TRIM67: variants seen among roughly 807,000 people sequenced by gnomAD.
The protein encoded by TRIM67 is tripartite motif-containing protein 67.
TRIM67 carries 39 observed loss-of-function variants against 71.0 expected under a neutral mutation model. That is an observed-to-expected ratio of 0.55 (90% confidence interval 0.43 to 0.72). The LOEUF (loss-of-function observed/expected upper bound fraction) is 0.72, where lower values mean the gene tolerates loss of function less well. TRIM67 is among the 30% of genes least tolerant of loss of function. The probability of loss-of-function intolerance (pLI) is 0.00; values close to 1 mark genes in which losing one functional copy is unlikely to be tolerated. For synonymous variants in TRIM67, 481 were observed against 473.9 expected (o/e 1.01, Z -0.19); for missense variants, 973 against 1,079.2 (o/e 0.90, Z 1.38).
intron 1 of TRIM67, among the ~76,000 whole-genome samples, chr1:231,176,024 G>A (rs1432337726): frequency 1.3e-5 from 2 of 152,170 alleles, no homozygotes; most frequent in Non-Finnish European, 2.9e-5. Flanking sequence ...TGGAATGTGG[G>A]ACCCAGCTAA....
chr1:231,201,400 C>A lies in TRIM67; in HGVS notation c.1417C>A (p.Gln473Lys), dbSNP rs1250690066. ...LIKRVQVSQE[Q>K]WVKGALEPKV... ...CAAGCGCGTCCAGGTGTCTCAGGAG[C>A]AGTGGGTCAAAGGCGCCCTGGAGCC... Residue 473 changes from glutamine (Q) to lysine (K), a missense_variant, in exon 5 of 10, where the codon CAG (glutamine) becomes AAG (lysine). Around this residue, in one of 2 missense-constraint regions of TRIM67, gnomAD observed 795 missense variants for 831.3 expected, o/e 0.96. Transcript: ENST00000366653. 1.2e-6 allele frequency: 2 copies of A among 1,613,536 alleles called. No individual in the cohort carries two copies. The highest frequency in any genetic ancestry group is 2.2e-5 in the South Asian group (2 of 90,928).
chr1:231,185,595 C>T (rs138881460), intron 1 of TRIM67, among the ~76,000 whole-genome samples: 5 of 151,978 alleles, frequency 3.3e-5, no homozygotes, highest in African/African-American at 4.8e-5. Flanking sequence ...GGAGCCCAGA[C>T]GCGTCCTGCC....
intron 1 of TRIM67, among the ~76,000 whole-genome samples, chr1:231,174,231 T>C (rs1338073246): frequency 6.6e-6 from 1 of 151,460 alleles, no homozygotes; most frequent in Non-Finnish European, 1.5e-5. Flanking sequence ...CAATCATAGT[T>C]CACTGCAACC....
intron 5 of TRIM67, 150 bp from the exon 6 acceptor site, chr1:231,203,717 G>T (rs1296550549): frequency 8.1e-6 from 8 of 987,972 alleles, no homozygotes; most frequent in Non-Finnish European, 1.2e-5. Flanking sequence ...TGACTCCTGG[G>T]CGTCTGGGAG....
rs1180829606 is a variant in TRIM67 at position 231,213,664 on chromosome 1, GA to G, written c.2124-150del. The G allele has an allele frequency of 5.6e-6, 5 of 896,978 alleles. No homozygotes were observed. The East Asian group carries it at 1.4e-4, about 25-fold the overall frequency. The allele number at this position is 896,978 out of a possible 1,614,324, so 55.6% of individuals were successfully genotyped here. On this transcript the variant is annotated intron_variant, in intron 8 of 9. Coordinates refer to ENST00000366653, the MANE Select transcript of TRIM67 (RefSeq NM_001004342.5). ...GAGGATCTCCTGAGCCTGGGAGGGC[GA>G]GGCTGTTGTGCACCGAGATGGCGTC...
intron 1 of TRIM67, among the ~76,000 whole-genome samples, chr1:231,181,125 C>T (rs1346002686): frequency 6.6e-6 from 1 of 152,176 alleles, no homozygotes; most frequent in Non-Finnish European, 1.5e-5. Context: ...ACCGCCATGT[C>T]CAGCTAATTT....
rs937714488 is a variant in TRIM67 at position 231,221,034 on chromosome 1, G to A, written c.*5594G>A. The A allele has an allele frequency of 2.6e-5, 4 of 152,384 alleles. No homozygotes were observed. The East Asian group carries it at 5.8e-4, about 22-fold the overall frequency. The allele number at this position is 152,384 out of a possible 1,614,324, so 9.4% of individuals were successfully genotyped here. On this transcript the variant is annotated 3_prime_UTR_variant, in exon 10 of 10. Coordinates refer to ENST00000366653, the MANE Select transcript of TRIM67 (RefSeq NM_001004342.5). ...TGGAAACCAGACACCCAGAGCCCCAGGCTTTCTCGGCACCCAGAAGAAGTG... is the reference window on the plus strand; with the variant it reads ...TGGAAACCAGACACCCAGAGCCCCAAGCTTTCTCGGCACCCAGAAGAAGTG...
chr1:231,199,265 TAA>T, intron 3 of TRIM67, 96 bp downstream of exon 3: 1 of 1,193,930 alleles, frequency 8.4e-7, no homozygotes, highest in Non-Finnish European at 1.2e-6. Context: ...AAATAACAGC[TAA>T]GTGAGTGAAT....
intron 5 of TRIM67, among the ~76,000 whole-genome samples, chr1:231,201,841 G>A (rs150404265): frequency 8.5e-5 from 13 of 152,384 alleles, no homozygotes; most frequent in African/African-American, 3.1e-4. Context: ...ACATGCTCAA[G>A]ATGCGGTTGA....
Position 231,176,906 on chromosome 1 carries a change from CAAAAAA to C in TRIM67, c.1044+12905_1044+12910del, listed in dbSNP as rs56115614. ...TACCCTGTTTGCCAATACAATCTGG[CAAAAAA>C]AAAAAAAAAAACACCTTTCAAACAT... On this transcript the variant is annotated intron_variant, in intron 1 of 9. Transcript: ENST00000366653. 2.0e-4 allele frequency among the ~76,000 whole-genome samples: 15 copies of C among 74,406 alleles called. 1 individual carries two copies. In the South Asian group the frequency reaches 2.7e-3, roughly 14 times the overall value. The allele number at this position is 74,406 out of a possible 152,430, so 48.8% of individuals were successfully genotyped here.
At chr1:231,164,897 G>A (rs1326158425) in intron 1 of TRIM67, among the ~76,000 whole-genome samples, 1 of 152,108 alleles carries the variant, frequency 6.6e-6, no homozygotes. Flanking sequence ...CTGCTATAAT[G>A]AGCATACGTT....
Position 231,184,086 on chromosome 1 carries a change from AC to A in TRIM67, c.1045-13284del, listed in dbSNP as rs1392878169. The A allele has an allele frequency of 2.0e-5, 3 of 152,216 alleles. No homozygotes were observed. The East Asian group carries it at 5.8e-4, about 29-fold the overall frequency. 9.4% of individuals were successfully genotyped at this position (152,216 alleles called of 1,614,324 possible). ...CCTCGAATAGGGTGTTAACGAATCC[AC>A]TGAAAAGGAATGTTTTTAAAAAGAG... On this transcript the variant is annotated intron_variant, in intron 1 of 9. Transcript: ENST00000366653.
chr1:231,189,772 C>G (rs1013213727), intron 1 of TRIM67, among the ~76,000 whole-genome samples: 2 of 152,064 alleles, frequency 1.3e-5, no homozygotes, highest in African/African-American at 4.8e-5. Context: ...CTCCCAAAGT[C>G]CCCACTGCTG....
intron 1 of TRIM67, chr1:231,184,757 C>G: frequency 1.9e-6 from 1 of 516,526 alleles, no homozygotes; most frequent in Admixed American, 3.4e-5. Flanking sequence ...CTACCGAGAA[C>G]CACCATGAGT....
intron 1 of TRIM67, among the ~76,000 whole-genome samples, chr1:231,169,443 C>T (rs1682566029): frequency 6.9e-6 from 1 of 145,604 alleles, no homozygotes; most frequent in South Asian, 2.2e-4. Flanking sequence ...AGTGGTGCAC[C>T]ATGTCAGTTC....
At chr1:231,165,336 C>T (rs1682425012) in intron 1 of TRIM67, among the ~76,000 whole-genome samples, 1 of 152,182 alleles carries the variant, frequency 6.6e-6, no homozygotes, top group Admixed American at 6.5e-5. Flanking sequence ...TGAGTCTAGG[C>T]ACAATTTAAA....
Position 231,217,768 on chromosome 1 carries a change from A to G in TRIM67, c.*2328A>G, listed in dbSNP as rs1684052808. The G allele has an allele frequency of 1.6e-6, 2 of 1,281,040 alleles. No homozygotes were observed. The highest frequency in any genetic ancestry group is 3.0e-5 in the African/African-American group (2 of 65,668). 79.4% of individuals were successfully genotyped at this position (1,281,040 alleles called of 1,614,324 possible). ...GAAGAATCGCCCATCATTGGAGCAC[A>G]AGTTGCCTGGGGCTACCCTGAACCT... On this transcript the variant is annotated 3_prime_UTR_variant, in exon 10 of 10. Coordinates refer to ENST00000366653, the MANE Select transcript of TRIM67 (RefSeq NM_001004342.5).
chr1:231,201,606 T>G (rs975421038), intron 5 of TRIM67, 89 bp downstream of exon 5: 13 of 1,451,480 alleles, frequency 9.0e-6, no homozygotes, highest in Non-Finnish European at 1.2e-5. Context: ...TAGGGAGACC[T>G]GTGATGCACG....
At chr1:231,182,827 T>A (rs1277524777) in intron 1 of TRIM67, among the ~76,000 whole-genome samples, 1 of 152,226 alleles carries the variant, frequency 6.6e-6, no homozygotes, top group African/African-American at 2.4e-5. Context: ...CCTCACTGAC[T>A]GCCTTGTCAG....
Sources: gnomAD v4.1 joint callset for allele counts (sites outside exome capture counted in the v4.1 genomes callset) on GRCh38, gnomAD v4.1.1 for gene constraint, gnomAD v4.1.1 regional missense constraint, MANE v1.5 for transcripts, NCBI Gene and HGNC (gene_info 2026-07-23, HGNC 2026-07-21) for gene names.